Variants in XYLT1 observed in about 807,000 individuals in gnomAD.
The protein encoded by XYLT1 is beta-D-xylosyltransferase 1.
A neutral mutation model predicts 91.3 loss-of-function variants in XYLT1; 36 were observed. The observed-to-expected ratio is 0.39, with a 90% CI of 0.30 to 0.52. The LOEUF (loss-of-function observed/expected upper bound fraction) is 0.52, where lower values mean the gene tolerates loss of function less well. XYLT1 is among the 20% of genes least tolerant of loss of function. The pLI, the probability that XYLT1 is intolerant of heterozygous loss-of-function variation, is 0.68. For missense variants in XYLT1, 1,242 were observed against 1,284.5 expected (o/e 0.97, Z 0.51); for synonymous variants, 588 against 532.0 (o/e 1.11, Z -1.45).
At chr16:17,445,973 C>T (rs1468925225) in intron 1 of XYLT1, 1 of 152,222 alleles carries the variant, frequency 6.6e-6, no homozygotes, top group African/African-American at 2.4e-5. Context: ...GCTCAAGAGT[C>T]TATTCCAACT....
At chr16:17,381,965 A>AC (rs2035687449) in intron 1 of XYLT1, among the ~76,000 whole-genome samples, 1 of 151,774 alleles carries the variant, frequency 6.6e-6, no homozygotes. Context: ...ATCTGTTGGT[A>AC]TTTTCCCCAT....
chr16:17,393,924 C>T (rs1034350928), intron 1 of XYLT1, among the ~76,000 whole-genome samples: 3 of 152,048 alleles, frequency 2.0e-5, no homozygotes, highest in East Asian at 3.9e-4. Context: ...TACAGGCGCC[C>T]GCCACCGCAC....
chr16:17,224,367 A>C (rs192306502), intron 3 of XYLT1, among the ~76,000 whole-genome samples: 7 of 152,344 alleles, frequency 4.6e-5, no homozygotes, highest in Admixed American at 4.6e-4. Context: ...TTCTATGAAG[A>C]CCAGGCACGT....
intron 11 of XYLT1, among the ~76,000 whole-genome samples, chr16:17,113,893 C>T (rs374780928): frequency 2.0e-5 from 3 of 152,258 alleles, no homozygotes; most frequent in East Asian, 1.9e-4. Context: ...ATCCACCTGC[C>T]GGGACGGTGG....
chr16:17,246,375 T>C (rs553704730), intron 3 of XYLT1, among the ~76,000 whole-genome samples: 13 of 152,204 alleles, frequency 8.5e-5, no homozygotes, highest in Admixed American at 2.0e-4. Context: ...CAAGTATCAA[T>C]AGCTAGAGAA....
intron 2 of XYLT1, among the ~76,000 whole-genome samples, chr16:17,272,810 G>A (rs138572899): frequency 6.6e-6 from 1 of 152,188 alleles, no homozygotes; most frequent in South Asian, 2.1e-4. Flanking sequence ...AATGACACAG[G>A]CTCTTCCGGG....
chr16:17,369,096 T>C (rs2035492283), intron 1 of XYLT1, among the ~76,000 whole-genome samples: 1 of 150,240 alleles, frequency 6.7e-6, no homozygotes, highest in African/African-American at 2.4e-5. Context: ...TTGGATGTGG[T>C]ATGGTGTGAT....
chr16:17,373,505 T>C (rs914143618), intron 1 of XYLT1, among the ~76,000 whole-genome samples: 3 of 152,240 alleles, frequency 2.0e-5, no homozygotes, highest in Admixed American at 2.0e-4. Context: ...TGTTTCATTC[T>C]CTCCAGCCAC....
chr16:17,393,892 C>T (rs2035852489), intron 1 of XYLT1, among the ~76,000 whole-genome samples: 1 of 152,094 alleles, frequency 6.6e-6, no homozygotes, highest in Admixed American at 6.6e-5. Flanking sequence ...TCTCCTGCCT[C>T]AGCCTCCCGA....
At position 17,173,066 on chromosome 16, in the gene XYLT1, A is replaced by G. The variant is rs1401178565; in HGVS notation, c.1290-14157T>C. 2.0e-5 allele frequency among the ~76,000 whole-genome samples: 3 copies of G among 152,220 alleles called. No homozygotes were observed. In the East Asian group the frequency reaches 5.8e-4, roughly 29 times the overall value. ...ACAAACAAACAAACAAAAAAAACCA[A>G]ATTAGTAACAAATGTCATCTGGGAT... On this transcript the variant is annotated intron_variant, in intron 5 of 11. Transcript: ENST00000261381.
chr16:17,147,670 G>A (rs2031170923), intron 6 of XYLT1, among the ~76,000 whole-genome samples: 3 of 152,204 alleles, frequency 2.0e-5, no homozygotes, highest in Admixed American at 6.5e-5. Context: ...GGTGAATGGG[G>A]ACTTAAGTCT....
At chr16:17,138,688 C>A in intron 7 of XYLT1, 157 bp from the exon 8 acceptor site, 1 of 737,860 alleles carries the variant, frequency 1.4e-6, no homozygotes, top group Non-Finnish European at 2.1e-6. Context: ...TCCTGTACAG[C>A]TTGCAGAACT....
chr16:17,417,037 C>T (rs1055133827), intron 1 of XYLT1, among the ~76,000 whole-genome samples: 3 of 152,020 alleles, frequency 2.0e-5, no homozygotes, highest in African/African-American at 7.2e-5. Flanking sequence ...TTTGGTAAGA[C>T]TTTATGGATA....
intron 3 of XYLT1, among the ~76,000 whole-genome samples, chr16:17,238,172 C>T (rs1050730909): frequency 2.0e-5 from 3 of 152,170 alleles, no homozygotes; most frequent in African/African-American, 4.8e-5. Context: ...CTTGTTAAAT[C>T]TGTAATTTAT....
chr16:17,394,473 T>C (rs778781573), intron 1 of XYLT1, among the ~76,000 whole-genome samples: 3 of 152,200 alleles, frequency 2.0e-5, no homozygotes, highest in Admixed American at 6.5e-5. Context: ...GTGATTCCAA[T>C]AGGGAGCATC....
At chr16:17,355,765 A>AGT (rs2141860357) in intron 2 of XYLT1, among the ~76,000 whole-genome samples, 1 of 152,210 alleles carries the variant, frequency 6.6e-6, no homozygotes, top group East Asian at 1.9e-4. Context: ...GCTGGAGTGC[A>AGT]GTGGCTCAAT....
intron 3 of XYLT1, among the ~76,000 whole-genome samples, chr16:17,256,676 G>A (rs148859122): frequency 1.3e-3 from 197 of 151,110 alleles, no homozygotes; most frequent in East Asian, 7.6e-3. Flanking sequence ...AAAGAGTAGC[G>A]AATGAAGAGT....
chr16:17,308,327 T>C (rs994647587), intron 2 of XYLT1, among the ~76,000 whole-genome samples: 1 of 152,198 alleles, frequency 6.6e-6, no homozygotes, highest in Non-Finnish European at 1.5e-5. Flanking sequence ...CTCAAAAGCA[T>C]GTCCAAGTTG....
chr16:17,184,077 T>C (rs1251397853), intron 5 of XYLT1, among the ~76,000 whole-genome samples: 1 of 151,782 alleles, frequency 6.6e-6, no homozygotes, highest in East Asian at 1.9e-4. Flanking sequence ...ACCCACATTG[T>C]AGACCACCCC....
Sources: gnomAD v4.1 joint callset for allele counts (sites outside exome capture counted in the v4.1 genomes callset) on GRCh38, gnomAD v4.1.1 for gene constraint, MANE v1.5 for transcripts, NCBI Gene and HGNC (gene_info 2026-07-23, HGNC 2026-07-21) for gene names.